NAA25: variants seen among roughly 807,000 people sequenced by gnomAD.
NAA25 encodes the protein N-alpha-acetyltransferase 25, NatB auxiliary subunit.
In NAA25, 30 loss-of-function variants were observed where a neutral mutation model predicts 132.5. The ratio of observed to expected loss-of-function variants is 0.23; its 90% CI spans 0.17 to 0.31. NAA25 has a LOEUF of 0.31. Ranked by LOEUF, NAA25 falls within the 10% of genes least tolerant of loss-of-function variation. The pLI is 1.00. For synonymous variants in NAA25, 359 were observed against 401.9 expected (o/e 0.89, Z 1.28); for missense variants, 771 against 1,150.4 (o/e 0.67, Z 4.77).
At position 112,029,417 on chromosome 12, in the gene NAA25, C is replaced by A. The variant is rs2078121223; in HGVS notation, c.*114G>T. 1.3e-6 allele frequency: 2 copies of A among 1,505,928 alleles called. No individual in the cohort carries two copies. Among genetic ancestry groups the A allele is most frequent in the Non-Finnish European group, 1.8e-6 (2 of 1,111,684 alleles). 93.3% of individuals were successfully genotyped at this position (1,505,928 alleles called of 1,614,324 possible). A position where few individuals can be genotyped will look rare whatever the true frequency, so the allele number is the denominator to read the frequency against. On this transcript the variant is annotated 3_prime_UTR_variant, in exon 24 of 24. Transcript: ENST00000261745. The stretch of plus-strand genomic sequence containing the variant: ...AAATTCACGATCAAAGTCCTTCATG[C>A]ATTTTATGAGGAAGTTCTGGATTAA...
At chr12:112,105,860 C>G (rs78154559) in intron 1 of NAA25, among the ~76,000 whole-genome samples, 2,229 of 152,320 alleles carry the variant, frequency 0.015, 63 homozygotes, top group African/African-American at 0.051. Context: ...TCACAATAAT[C>G]TTACCTACCT....
Position 112,058,692 on chromosome 12 carries a change from G to A in NAA25, c.1447+1578C>T, listed in dbSNP as rs770813433. ...GAATCCCAGCACTTTGGGAGGCCGC[G>A]GCGGGTGGATCACCTGAGGTCAGGA... On this transcript the variant is annotated intron_variant, in intron 13 of 23. Coordinates refer to ENST00000261745, the MANE Select transcript of NAA25 (RefSeq NM_024953.4). Among the ~76,000 whole-genome samples, 42 of 152,220 alleles carry A rather than the reference G, an allele frequency of 2.8e-4. 1 individual carries two copies. The highest frequency in any genetic ancestry group is 2.1e-4 in the Non-Finnish European group (14 of 68,010).
At chr12:112,057,670 C>G (rs1263614441) in intron 13 of NAA25, among the ~76,000 whole-genome samples, 1 of 152,194 alleles carries the variant, frequency 6.6e-6, no homozygotes, top group Non-Finnish European at 1.5e-5. Flanking sequence ...GCCTGACTAA[C>G]ATGGTGAAAC....
intron 7 of NAA25, among the ~76,000 whole-genome samples, chr12:112,077,010 C>CA (rs2078903214): frequency 3.3e-5 from 5 of 150,024 alleles, no homozygotes; most frequent in African/African-American, 1.2e-4. Context: ...ACAACAACAA[C>CA]AACAAAAAAA....
At chr12:112,069,106 C>A in intron 10 of NAA25, 114 bp from the exon 11 acceptor site, 2 of 651,630 alleles carry the variant, frequency 3.1e-6, no homozygotes, top group Non-Finnish European at 5.4e-6. Flanking sequence ...TTGCTTGCAA[C>A]TGGTCCCAAG....
intron 23 of NAA25, 97 bp downstream of exon 23, chr12:112,033,136 A>C: frequency 7.4e-7 from 1 of 1,351,560 alleles, no homozygotes; most frequent in Non-Finnish European, 9.9e-7. Context: ...GAAATGATAA[A>C]TTGAACTTTA....
Position 112,053,543 on chromosome 12 carries a change from T to A in NAA25, c.1728+15A>T. On this transcript the variant is annotated intron_variant, in intron 15 of 23. Transcript: ENST00000261745. ...AGCAGACAAGATCACAGTTAAAAAA[T>A]AGTTTTTCACTTACATCTTTCTGGT... is the stretch of plus-strand genomic sequence containing the variant. 1.3e-6 allele frequency: 2 copies of A among 1,570,202 alleles called. No individual in the cohort carries two copies. The highest frequency in any genetic ancestry group is 2.3e-5 in the South Asian group (2 of 88,184).
chr12:112,075,835 C>T, intron 7 of NAA25, 46 bp from the exon 8 acceptor site: 3 of 1,475,670 alleles, frequency 2.0e-6, no homozygotes, highest in Non-Finnish European at 2.8e-6. Flanking sequence ...TTCATTTCTG[C>T]TCAATAACCA....
intron 10 of NAA25, among the ~76,000 whole-genome samples, chr12:112,070,351 C>T (rs931865883): frequency 1.3e-5 from 2 of 152,160 alleles, no homozygotes; most frequent in Non-Finnish European, 2.9e-5. Flanking sequence ...GCTTTACTAT[C>T]CACATCATTC....
At chr12:112,072,331 G>T (rs1441046363) in intron 9 of NAA25, among the ~76,000 whole-genome samples, 4 of 152,162 alleles carry the variant, frequency 2.6e-5, no homozygotes, top group Non-Finnish European at 4.4e-5. Flanking sequence ...TGCCTGGCTG[G>T]GCGTGGTGGC....
intron 11 of NAA25, among the ~76,000 whole-genome samples, chr12:112,062,622 A>G (rs895842234): frequency 6.6e-6 from 1 of 151,660 alleles, no homozygotes; most frequent in Admixed American, 6.6e-5. Flanking sequence ...ACTACTCAGG[A>G]GGGTGAGGCA....
intron 23 of NAA25, among the ~76,000 whole-genome samples, chr12:112,030,499 A>C (rs2078135387): frequency 6.6e-6 from 1 of 152,160 alleles, no homozygotes; most frequent in Admixed American, 6.6e-5. Context: ...CTCCATATTG[A>C]CAAAGCCCCT....
At chr12:112,107,078 G>A (rs1750475889) in intron 1 of NAA25, among the ~76,000 whole-genome samples, 1 of 151,284 alleles carries the variant, frequency 6.6e-6, no homozygotes, top group South Asian at 2.1e-4. Flanking sequence ...TGGCTAACAT[G>A]GTAAACTCCT....
intron 1 of NAA25, among the ~76,000 whole-genome samples, chr12:112,101,750 G>A (rs1031808583): frequency 2.7e-5 from 4 of 150,706 alleles, no homozygotes; most frequent in East Asian, 2.0e-4. Context: ...GAGTGAGACT[G>A]CATCTTAAAA....
chr12:112,081,163 A>G (rs1404508428), intron 4 of NAA25, 29 bp from the exon 5 acceptor site: 1 of 1,558,584 alleles, frequency 6.4e-7, no homozygotes, highest in East Asian at 2.2e-5. Context: ...TATTTTATTT[A>G]GAAAACACCA....
At chr12:112,041,361 T>C (rs1321945193) in intron 20 of NAA25, among the ~76,000 whole-genome samples, 2 of 151,838 alleles carry the variant, frequency 1.3e-5, no homozygotes, top group African/African-American at 4.8e-5. Context: ...CTAATTTTTT[T>C]GTATTTTTAG....
chr12:112,098,503 C>T lies in NAA25; in HGVS notation c.59-5367G>A, dbSNP rs556146149. 5.3e-5 allele frequency among the ~76,000 whole-genome samples: 8 copies of T among 152,196 alleles called. No homozygotes were observed. In the East Asian group the frequency reaches 1.5e-3, roughly 29 times the overall value. Reference sequence around the variant, plus strand: ...CTTGGAGAAAACAAGCCAATAAAAACGATATCCTAAATCTGTCTTCTTAGT... The same window carrying T: ...CTTGGAGAAAACAAGCCAATAAAAATGATATCCTAAATCTGTCTTCTTAGT... On this transcript the variant is annotated intron_variant, in intron 1 of 23. Coordinates refer to ENST00000261745, the MANE Select transcript of NAA25 (RefSeq NM_024953.4).
At chr12:112,061,900 T>A (rs2078635781) in intron 11 of NAA25, among the ~76,000 whole-genome samples, 1 of 152,190 alleles carries the variant, frequency 6.6e-6, no homozygotes, top group South Asian at 2.1e-4. Flanking sequence ...AGATTCATAC[T>A]CAGCTATGAG....
chr12:112,104,028 G>A (rs932192347), intron 1 of NAA25, among the ~76,000 whole-genome samples: 3 of 152,192 alleles, frequency 2.0e-5, no homozygotes. Context: ...ACACCATCCT[G>A]GGGTCAGGAA....
Sources: allele counts gnomAD v4.1 joint callset (sites outside exome capture counted in the v4.1 genomes callset), GRCh38; gene constraint gnomAD v4.1.1; transcripts MANE v1.5; gene names NCBI Gene and HGNC (gene_info 2026-07-23, HGNC 2026-07-21).